The following NELL1 variants were observed in gnomAD, a reference collection of about 807,000 sequenced individuals.
NELL1 encodes the protein protein kinase C-binding protein NELL1.
Under a neutral mutation model 107.4 loss-of-function variants are expected in NELL1, and 76 were observed. The observed-to-expected ratio is 0.71, with a 90% confidence interval of 0.59 to 0.86. The LOEUF is 0.86. Ranked by LOEUF, NELL1 falls within the 40% of genes least tolerant of loss-of-function variation. The probability of loss-of-function intolerance (pLI) is 0.00; values close to 1 mark genes in which losing one functional copy is unlikely to be tolerated. For synonymous variants in NELL1, 353 were observed against 341.2 expected, an observed-to-expected ratio of 1.03 and a Z score of -0.38; for missense variants, 1,024 against 1,005.5, an observed-to-expected ratio of 1.02 and a Z score of -0.25.
chr11:21,011,640 C>T (rs61880790), intron 12 of NELL1, among the ~76,000 whole-genome samples: 3 of 152,144 alleles, frequency 2.0e-5, no homozygotes, highest in African/African-American at 4.8e-5. Flanking sequence ...TGATTACACT[C>T]TCTGCAGTTG....
At chr11:21,008,234 A>C (rs1852371742) in intron 12 of NELL1, among the ~76,000 whole-genome samples, 1 of 152,132 alleles carries the variant, frequency 6.6e-6, no homozygotes, top group South Asian at 2.1e-4. Context: ...AACCTACTTC[A>C]TTGAAAATAT....
At chr11:21,418,372 T>C (rs1462204764) in intron 15 of NELL1, among the ~76,000 whole-genome samples, 2 of 152,138 alleles carry the variant, frequency 1.3e-5, no homozygotes, top group Non-Finnish European at 2.9e-5. Flanking sequence ...TCAACTTATC[T>C]ACTGATTTGC....
chr11:21,442,557 TA>T (rs1225438664), intron 15 of NELL1, among the ~76,000 whole-genome samples: 1 of 152,208 alleles, frequency 6.6e-6, no homozygotes, highest in East Asian at 1.9e-4. Context: ...GTATTTCAAT[TA>T]AATTTAGGGG....
At chr11:21,057,460 T>C in intron 12 of NELL1, among the ~76,000 whole-genome samples, 1 of 152,016 alleles carries the variant, frequency 6.6e-6, no homozygotes, top group Admixed American at 6.6e-5. Flanking sequence ...CTTAGGAATT[T>C]ATCTTTAGGA....
In NELL1 at chr11:21,457,727, A is replaced by G. The variant is rs533010343; in HGVS notation, c.1646-76647A>G. On this transcript the variant is annotated intron_variant, in intron 15 of 19. Transcript: ENST00000357134. ...ATTTATCAACCACAGGTTGTTGCCA[A>G]AGTCATTAATGCAGATTAAATAATC... Among the ~76,000 whole-genome samples the G allele has an allele frequency of 2.3e-3, 344 of 152,318 alleles. 1 individual carries two copies. The highest frequency in any genetic ancestry group is 7.2e-3 in the African/African-American group (299 of 41,572).
At chr11:21,229,517 T>C (rs1857987248) in intron 14 of NELL1, 63 bp downstream of exon 14, 2 of 1,604,624 alleles carry the variant, frequency 1.2e-6, no homozygotes, top group Non-Finnish European at 8.5e-7. Context: ...TTGGCACTTG[T>C]GCGTCGGACC....
intron 14 of NELL1, among the ~76,000 whole-genome samples, chr11:21,304,150 A>G (rs1276912705): frequency 6.6e-6 from 1 of 152,042 alleles, no homozygotes; most frequent in Non-Finnish European, 1.5e-5. Flanking sequence ...AGCAGAACTT[A>G]CTGATCATGG....
At chr11:21,405,648 G>C (rs1340639812) in intron 15 of NELL1, among the ~76,000 whole-genome samples, 2 of 151,954 alleles carry the variant, frequency 1.3e-5, no homozygotes, top group Non-Finnish European at 2.9e-5. Context: ...TGACTCACCA[G>C]TCTATATTCT....
At chr11:20,725,192 G>C (rs1166138099) in intron 2 of NELL1, among the ~76,000 whole-genome samples, 1 of 152,178 alleles carries the variant, frequency 6.6e-6, no homozygotes, top group African/African-American at 2.4e-5. Flanking sequence ...TCTCCAAACA[G>C]TTCATGCAGT....
intron 15 of NELL1, among the ~76,000 whole-genome samples, chr11:21,431,887 T>C (rs1852975284): frequency 6.6e-6 from 1 of 152,208 alleles, no homozygotes; most frequent in East Asian, 1.9e-4. Context: ...TTCAAACTAC[T>C]TGAGTTTTTA....
intron 14 of NELL1, among the ~76,000 whole-genome samples, chr11:21,280,617 C>T (rs1791871): frequency 0.57 from 86,434 of 151,796 alleles, 24,864 homozygotes; most frequent in African/African-American, 0.59. Flanking sequence ...ACTTTAGTAA[C>T]ACCAGCCCAC....
chr11:21,545,794 G>C (rs1856428091), intron 16 of NELL1, among the ~76,000 whole-genome samples: 1 of 151,936 alleles, frequency 6.6e-6, no homozygotes, highest in African/African-American at 2.4e-5. Flanking sequence ...TGTAGCTTCA[G>C]GCAGTAATTT....
chr11:21,373,655 CTTGTG>C (rs894632668), intron 15 of NELL1, among the ~76,000 whole-genome samples: 2 of 152,102 alleles, frequency 1.3e-5, no homozygotes, highest in African/African-American at 4.8e-5. Context: ...AATAATCCCA[CTTGTG>C]TTTGGTATGT....
At chr11:21,165,612 A>T (rs1023487611) in intron 13 of NELL1, among the ~76,000 whole-genome samples, 1 of 149,482 alleles carries the variant, frequency 6.7e-6, no homozygotes, top group South Asian at 2.1e-4. Context: ...TTGAAGCGAT[A>T]TCTTCACTCT....
chr11:21,150,621 G>A (rs1342526754), intron 13 of NELL1, among the ~76,000 whole-genome samples: 2 of 152,160 alleles, frequency 1.3e-5, no homozygotes, highest in Non-Finnish European at 2.9e-5. Context: ...TGCCTGGAAA[G>A]CAGATGGCAT....
At chr11:20,690,021 T>C (rs1478514651) in intron 2 of NELL1, among the ~76,000 whole-genome samples, 1 of 152,174 alleles carries the variant, frequency 6.6e-6, no homozygotes, top group Non-Finnish European at 1.5e-5. Flanking sequence ...TTGATTTGCA[T>C]TTCTCTGATG....
At chr11:21,106,213 G>A (rs1223849949) in intron 12 of NELL1, among the ~76,000 whole-genome samples, 1 of 151,902 alleles carries the variant, frequency 6.6e-6, no homozygotes, top group African/African-American at 2.4e-5. Flanking sequence ...ACAGACTGTG[G>A]AGTTGTGCTG....
At chr11:21,165,292 A>G (rs933954932) in intron 13 of NELL1, among the ~76,000 whole-genome samples, 2 of 152,194 alleles carry the variant, frequency 1.3e-5, no homozygotes, top group African/African-American at 2.4e-5. Context: ...AGAAACGTCT[A>G]TACCCTAGTC....
intron 2 of NELL1, among the ~76,000 whole-genome samples, chr11:20,755,879 T>G (rs1430263908): frequency 8.3e-5 from 9 of 108,214 alleles, no homozygotes; most frequent in African/African-American, 2.4e-4. Flanking sequence ...TTTTTTTTTT[T>G]TTTTTTTTTT....
Sources: gnomAD v4.1 joint callset for allele counts (sites outside exome capture counted in the v4.1 genomes callset) on GRCh38, gnomAD v4.1.1 for gene constraint, MANE v1.5 for transcripts, NCBI Gene and HGNC (gene_info 2026-07-23, HGNC 2026-07-21) for gene names.